Variants in PIWIL1 observed in about 807,000 individuals in gnomAD.
The protein encoded by PIWIL1 is piwi-like protein 1.
PIWIL1 carries 73 observed loss-of-function variants against 114.4 expected under a neutral mutation model. The ratio of observed to expected loss-of-function variants is 0.64; its 90% CI spans 0.53 to 0.78. PIWIL1 has a LOEUF of 0.78. Among genes scored for constraint, PIWIL1 ranks in the 30% least tolerant of loss-of-function variants. The pLI, the probability that PIWIL1 is intolerant of heterozygous loss-of-function variation, is 0.00. For synonymous variants in PIWIL1, 375 were observed against 369.0 expected, an observed-to-expected ratio of 1.02 and a Z score of -0.19; for missense variants, 723 against 1,063.1, an observed-to-expected ratio of 0.68 and a Z score of 4.45.
chr12:130,419,071 G>T, the PIWIL1 span, among the ~76,000 whole-genome samples: 1 of 152,340 alleles, frequency 6.6e-6, no homozygotes, highest in East Asian at 1.9e-4. The surrounding 1 kb of genome is among the most constrained non-coding windows in gnomAD (Gnocchi z 4.3). Flanking sequence ...TTCCAGAGAG[G>T]ATGCACTGGA....
intron 4 of PIWIL1, among the ~76,000 whole-genome samples, 186 bp from the exon 5 acceptor site, chr12:130,346,184 T>G (rs1289180359): frequency 6.6e-6 from 1 of 152,244 alleles, no homozygotes; most frequent in Non-Finnish European, 1.5e-5. Flanking sequence ...AAATGTATGC[T>G]TCTTTAGAAA....
the PIWIL1 span, among the ~76,000 whole-genome samples, chr12:130,393,970 G>T: frequency 1.3e-5 from 2 of 152,116 alleles, no homozygotes; most frequent in African/African-American, 4.8e-5. Context: ...GTGAAGTTGG[G>T]CATTTTGTGT....
the PIWIL1 span, among the ~76,000 whole-genome samples, chr12:130,408,978 C>T: frequency 6.7e-6 from 1 of 149,458 alleles, no homozygotes; most frequent in East Asian, 1.9e-4. Context: ...CGCCTCTGTG[C>T]ACATGTGTCC....
chr12:130,376,839 C>G (rs2073870275), downstream of PIWIL1, among the ~76,000 whole-genome samples: 1 of 152,200 alleles, frequency 6.6e-6, no homozygotes, highest in South Asian at 2.1e-4. Context: ...ACTATGGATC[C>G]CCATCTCAGG....
At chr12:130,424,089 T>C in the PIWIL1 span, 4 of 954,326 alleles carry the variant, frequency 4.2e-6, no homozygotes, top group African/African-American at 1.7e-5. The surrounding 1 kb of genome is among the most constrained non-coding windows in gnomAD (Gnocchi z 9.8). Flanking sequence ...AGTGAAAGGA[T>C]GGGACAGATT....
chr12:130,424,147 G>A, the PIWIL1 span: 148 of 1,229,080 alleles, frequency 1.2e-4, no homozygotes, highest in Non-Finnish European at 1.4e-4. This position sits in a 1 kb window ranked among gnomAD's most constrained non-coding sequence, Gnocchi z 9.8. Flanking sequence ...CACACCAGGG[G>A]GCCTTGTGCG....
chr12:130,356,045 G>A (rs2073356673), intron 12 of PIWIL1, among the ~76,000 whole-genome samples: 1 of 150,736 alleles, frequency 6.6e-6, no homozygotes, highest in African/African-American at 2.5e-5. Flanking sequence ...AAAGTGGTTC[G>A]ATTTTTTTTT....
At chr12:130,424,888 C>T in the PIWIL1 span, 1,328 of 1,202,246 alleles carry the variant, frequency 1.1e-3, 1 homozygote, top group Non-Finnish European at 1.3e-3. The surrounding 1 kb of genome is among the most constrained non-coding windows in gnomAD (Gnocchi z 9.8). Context: ...AGAACAGGCG[C>T]GGGAAAGAGT....
chr12:130,401,121 T>C, the PIWIL1 span, among the ~76,000 whole-genome samples: 1 of 151,726 alleles, frequency 6.6e-6, no homozygotes, highest in Non-Finnish European at 1.5e-5. Flanking sequence ...TTTATATCTT[T>C]TTTTTTTAAA....
the PIWIL1 span, among the ~76,000 whole-genome samples, chr12:130,402,794 C>A: frequency 2.0e-5 from 3 of 152,220 alleles, no homozygotes; most frequent in African/African-American, 7.2e-5. Context: ...GCACACTCCT[C>A]TGGATTATCT....
chr12:130,402,534 C>T, the PIWIL1 span, among the ~76,000 whole-genome samples: 184 of 152,296 alleles, frequency 1.2e-3, no homozygotes, highest in Non-Finnish European at 2.0e-3. Context: ...ACCATCAAAA[C>T]CCTTTACAGA....
chr12:130,355,489 G>A, intron 11 of PIWIL1, 64 bp from the exon 12 acceptor site: 2 of 1,224,996 alleles, frequency 1.6e-6, no homozygotes, highest in Admixed American at 3.4e-5. Context: ...GTGGATATCT[G>A]TTTGACTGTG....
chr12:130,338,270 G>C (rs1235101681), intron 1 of PIWIL1, 124 bp downstream of exon 1: 2 of 325,026 alleles, frequency 6.2e-6, no homozygotes, highest in East Asian at 2.4e-4. Flanking sequence ...GAGGTCCCAG[G>C]TGCGGGGGAT....
Position 130,354,955 on chromosome 12 carries a change from T to C in PIWIL1, c.1239T>C (p.Thr413=). 6.2e-7 allele frequency: 1 copy of C among 1,613,866 alleles called. No individual in the cohort carries two copies. The highest frequency in any genetic ancestry group is 8.5e-7 in the Non-Finnish European group (1 of 1,179,780). The change falls in exon 11 of 21, where the codon ACT becomes ACC. Residue 413 remains threonine, a synonymous_variant. Coordinates refer to ENST00000245255, the MANE Select transcript of PIWIL1 (RefSeq NM_004764.5). The part of the protein sequence containing the change: ...MKDLAVHTRL[T]PEQRQREVGR... ...ACTTAGCCGTTCATACAAGACTAAC[T>C]CCAGAGCAAAGGCAGCGTGAAGTGG... is the stretch of plus-strand genomic sequence containing the variant.
At chr12:130,371,354 A>T in intron 20 of PIWIL1, 31 bp downstream of exon 20, 1 of 1,613,638 alleles carries the variant, frequency 6.2e-7, no homozygotes, top group Non-Finnish European at 8.5e-7. Context: ...ATGTTTAGCA[A>T]ATAAAGGACA....
In PIWIL1 at chr12:130,371,338, T is replaced by C. The variant is rs1331682245; in HGVS notation, c.2469+15T>C. On this transcript the variant is annotated intron_variant, in intron 20 of 20. Transcript: ENST00000245255. Reference sequence around the variant, plus strand: ...ACAACTGGCCAGTAAGTGCTTCTACTTGTTGATGTTTAGCAAATAAAGGAC... The same window carrying C: ...ACAACTGGCCAGTAAGTGCTTCTACCTGTTGATGTTTAGCAAATAAAGGAC... 2 of 1,613,790 alleles carry C rather than the reference T, an allele frequency of 1.2e-6. No individual in the cohort carries two copies. The highest frequency in any genetic ancestry group is 1.7e-6 in the Non-Finnish European group (2 of 1,179,918).
chr12:130,357,491 G>A lies in PIWIL1; in HGVS notation c.1603G>A (p.Asp535Asn). 1 of 1,612,832 alleles carries A rather than the reference G, an allele frequency of 6.2e-7. No homozygotes were observed. Among genetic ancestry groups the A allele is most frequent in the Non-Finnish European group, 8.5e-7 (1 of 1,178,904 alleles). ...GTACTTTCATTCTAGGATTGAAGTG[G>A]ATGACAGAACTGAAGCCTACTTAAG... ...QMRKAIMIEV[D>N]DRTEAYLRVL... The change falls in exon 14 of 21, where the codon GAT (aspartate) becomes AAT (asparagine). Residue 535 changes from aspartate (D) to asparagine (N), a missense_variant. Physicochemically the swap from Asp to Asn is conservative, Grantham distance 23 (BLOSUM62 1). Transcript: ENST00000245255.
At position 130,361,576 on chromosome 12, in the gene PIWIL1, G is replaced by A; in HGVS notation, c.1945G>A (p.Ala649Thr). 6.2e-7 allele frequency: 1 copy of A among 1,614,176 alleles called. No individual in the cohort carries two copies. Among genetic ancestry groups the A allele is most frequent in the Non-Finnish European group, 8.5e-7 (1 of 1,180,014 alleles). ...AGRRSIAGFV[A>T]SINEGMTRWF... ...GCGGAGGTCAATCGCAGGATTTGTT[G>A]CCAGCATCAATGAAGGGATGACCCG... Residue 649 changes from alanine (A) to threonine (T), a missense_variant, in exon 16 of 21, where the codon GCC (alanine) becomes ACC (threonine). Transcript: ENST00000245255.
downstream of PIWIL1, among the ~76,000 whole-genome samples, chr12:130,375,872 A>G (rs2073862974): frequency 1.3e-5 from 2 of 152,074 alleles, no homozygotes; most frequent in South Asian, 4.2e-4. Context: ...CACGCCTGGC[A>G]TGGTGTCCCC....
Sources: gnomAD v4.1 joint callset for allele counts (sites outside exome capture counted in the v4.1 genomes callset) on GRCh38, gnomAD v4.1.1 for gene constraint, Gnocchi (gnomAD v3.1) non-coding constraint, MANE v1.5 for transcripts, NCBI Gene and HGNC (gene_info 2026-07-23, HGNC 2026-07-21) for gene names.